ANK2: variants seen among roughly 807,000 people sequenced by gnomAD.
The protein encoded by ANK2 is ankyrin 2, also known as ankyrin-2.
In ANK2, 83 loss-of-function variants were observed where a neutral mutation model predicts 360.5. The ratio of observed to expected loss-of-function variants is 0.23; its 90% CI spans 0.19 to 0.28. The LOEUF is 0.28. Ranked by LOEUF, ANK2 falls within the 10% of genes least tolerant of loss-of-function variation. ANK2 has a pLI of 1.00. For synonymous variants in ANK2, 1,740 were observed against 1,759.5 expected, an observed-to-expected ratio of 0.99 and a Z score of 0.28; for missense variants, 4,201 against 4,795.7, an observed-to-expected ratio of 0.88 and a Z score of 3.66.
chr4:112,915,754 C>CCA (rs1553991582), intron 2 of ANK2, among the ~76,000 whole-genome samples: 1 of 141,270 alleles, frequency 7.1e-6, no homozygotes, highest in African/African-American at 2.7e-5. Flanking sequence ...GACTCTGTTT[C>CCA]AAAAAAAAAA....
At chr4:113,166,208 A>G (rs1376945040) in intron 1 of ANK2, among the ~76,000 whole-genome samples, 2 of 152,128 alleles carry the variant, frequency 1.3e-5, no homozygotes, top group African/African-American at 4.8e-5. Context: ...TATCTTTGTT[A>G]AAGTTCCCAT....
At position 113,129,792 on chromosome 4, in the gene ANK2, A is replaced by C. The variant is rs564295440; in HGVS notation, c.85-44624A>C. ...AATGCATTTCTTATTTTACTATTTT[A>C]TTCTTGATTCCTCTTTGAGTAAAAT... On this transcript the variant is annotated intron_variant, in intron 1 of 45. Transcript: ENST00000357077. Among the ~76,000 whole-genome samples the C allele has an allele frequency of 3.9e-5, 6 of 152,208 alleles. No homozygotes were observed. The East Asian group carries it at 7.7e-4, about 20-fold the overall frequency.
chr4:113,353,416 A>G lies in ANK2; in HGVS notation c.4798A>G (p.Ile1600Val), dbSNP rs2095539459. Reference sequence around the variant, plus strand: ...ATGGGTTATTGTCAGTGATGAGGAAATAGAAGAGGCTAGGCAAAAAGCACC... The same window carrying G: ...ATGGGTTATTGTCAGTGATGAGGAAGTAGAAGAGGCTAGGCAAAAAGCACC... ...EEWVIVSDEE[I>V]EEARQKAPLE... is the part of the protein sequence containing the mutation. The change falls in exon 38 of 46, where the codon ATA becomes GTA. Residue 1600 changes from isoleucine (I) to valine (V), a missense_variant. Physicochemically the swap from Ile to Val is conservative, Grantham distance 29. Coordinates refer to ENST00000357077, the MANE Select transcript of ANK2 (RefSeq NM_001148.6). 6.2e-7 allele frequency: 1 copy of G among 1,614,004 alleles called. No homozygotes were observed. Among genetic ancestry groups the G allele is most frequent in the Non-Finnish European group, 8.5e-7 (1 of 1,179,994 alleles).
intron 1 of ANK2, chr4:113,116,913 C>A: frequency 4.4e-6 from 1 of 228,762 alleles, no homozygotes; most frequent in Non-Finnish European, 8.8e-6. Flanking sequence ...CTAAGGATGG[C>A]TTTTTCAACT....
intron 2 of ANK2, among the ~76,000 whole-genome samples, chr4:112,976,118 G>A (rs1260548618): frequency 6.6e-6 from 1 of 151,540 alleles, no homozygotes; most frequent in Non-Finnish European, 1.5e-5. Flanking sequence ...GCATGCTGGT[G>A]TGAAACAGCT....
chr4:113,035,026 G>A (rs1029482013), intron 2 of ANK2, among the ~76,000 whole-genome samples: 4 of 151,710 alleles, frequency 2.6e-5, no homozygotes, highest in African/African-American at 9.7e-5. Flanking sequence ...AACTTGGCTT[G>A]ACATCTACCT....
chr4:112,712,537 G>A, the ANK2 span, among the ~76,000 whole-genome samples: 191 of 149,268 alleles, frequency 1.3e-3, 1 homozygote, highest in Non-Finnish European at 2.0e-3. Context: ...CCTCCCAAGT[G>A]GCTAGGACTA....
intron 1 of ANK2, among the ~76,000 whole-genome samples, chr4:112,888,471 T>C (rs1447927658): frequency 6.6e-6 from 1 of 152,200 alleles, no homozygotes; most frequent in Non-Finnish European, 1.5e-5. Flanking sequence ...CATATTAAGA[T>C]ATAATCAATA....
At chr4:112,975,155 T>C (rs1325405100) in intron 2 of ANK2, among the ~76,000 whole-genome samples, 1 of 152,188 alleles carries the variant, frequency 6.6e-6, no homozygotes, top group Non-Finnish European at 1.5e-5. Context: ...CACTTACCTG[T>C]CTGAGGTTAT....
the ANK2 span, among the ~76,000 whole-genome samples, chr4:112,709,639 C>T: frequency 6.6e-6 from 1 of 152,090 alleles, no homozygotes; most frequent in South Asian, 2.1e-4. Context: ...ATCCCAGATA[C>T]TCAGGAGGTT....
chr4:113,062,134 G>A, intron 1 of ANK2, among the ~76,000 whole-genome samples: 1 of 152,008 alleles, frequency 6.6e-6, no homozygotes, highest in Middle Eastern at 3.2e-3. Context: ...CTTGTCTAAA[G>A]CAGAATTATT....
At chr4:112,843,389 C>T (rs2062590771) in intron 1 of ANK2, among the ~76,000 whole-genome samples, 2 of 152,322 alleles carry the variant, frequency 1.3e-5, no homozygotes, top group South Asian at 4.1e-4. Context: ...TCTGAGAACT[C>T]TCAACAGTGG....
chr4:112,877,699 T>C (rs1347119933), intron 1 of ANK2, among the ~76,000 whole-genome samples: 1 of 152,170 alleles, frequency 6.6e-6, no homozygotes, highest in Non-Finnish European at 1.5e-5. Context: ...CCTATGTGAC[T>C]GCATAGGTTG....
At chr4:113,060,535 C>T (rs1002610307) in intron 1 of ANK2, among the ~76,000 whole-genome samples, 4 of 151,996 alleles carry the variant, frequency 2.6e-5, no homozygotes, top group Non-Finnish European at 5.9e-5. Context: ...TATCTCCAAA[C>T]CCCTGTGCTA....
intron 39 of ANK2, among the ~76,000 whole-genome samples, chr4:113,361,811 T>A (rs2096244682): frequency 6.6e-6 from 1 of 152,084 alleles, no homozygotes; most frequent in Admixed American, 6.6e-5. Flanking sequence ...ACTTACTAGA[T>A]AACATTCAGA....
In ANK2 at chr4:113,285,666, G is replaced by A. The variant is rs185535884; in HGVS notation, c.2080-1939G>A. On this transcript the variant is annotated intron_variant, in intron 18 of 45. Coordinates refer to ENST00000357077, the MANE Select transcript of ANK2 (RefSeq NM_001148.6). ...GTGTTCAGCTATCCAGAAGCTCCCCGAGCCCTGTCCTCTGGAATTTATGGA... is the reference window on the plus strand; with the variant it reads ...GTGTTCAGCTATCCAGAAGCTCCCCAAGCCCTGTCCTCTGGAATTTATGGA... 3.9e-5 allele frequency among the ~76,000 whole-genome samples: 6 copies of A among 152,238 alleles called. No homozygotes were observed. In the East Asian group the frequency reaches 5.8e-4, roughly 15 times the overall value.
At chr4:113,006,084 C>T (rs113027188) in intron 2 of ANK2, among the ~76,000 whole-genome samples, 4 of 152,152 alleles carry the variant, frequency 2.6e-5, no homozygotes, top group African/African-American at 7.2e-5. Context: ...TCCTTTATAG[C>T]AACACAGAAT....
intron 1 of ANK2, among the ~76,000 whole-genome samples, chr4:113,097,116 T>TTTTTTTTG (rs1554118436): frequency 6.9e-6 from 1 of 145,024 alleles, no homozygotes; most frequent in African/African-American, 2.6e-5. Context: ...TTTATATCAT[T>TTTTTTTTG]AGATTTTCTT....
chr4:112,783,012 T>C, the ANK2 span, among the ~76,000 whole-genome samples: 1 of 152,048 alleles, frequency 6.6e-6, no homozygotes, highest in African/African-American at 2.4e-5. Context: ...CAAGTTCAAG[T>C]GATTCTCTTG....
Sources: allele counts gnomAD v4.1 joint callset (sites outside exome capture counted in the v4.1 genomes callset), GRCh38; gene constraint gnomAD v4.1.1; transcripts MANE v1.5; gene names NCBI Gene and HGNC (gene_info 2026-07-23, HGNC 2026-07-21).